OXNAD1: variants seen among roughly 807,000 people sequenced by gnomAD.
The protein encoded by OXNAD1 is oxidoreductase NAD binding domain containing 1, also known as oxidoreductase NAD-binding domain-containing protein 1.
A neutral mutation model predicts 32.9 loss-of-function variants in OXNAD1; 34 were observed. The ratio of observed to expected loss-of-function variants is 1.03; its 90% CI spans 0.79 to 1.38. The LOEUF is 1.38. Ranked by LOEUF, OXNAD1 falls within the 40% of genes most tolerant of loss-of-function variation. The pLI is 0.00. For synonymous variants in OXNAD1, 134 were observed against 135.2 expected, an observed-to-expected ratio of 0.99 and a Z score of 0.06; for missense variants, 407 against 379.4, an observed-to-expected ratio of 1.07 and a Z score of -0.60.
Position 16,273,995 on chromosome 3 carries a change from G to A in OXNAD1, c.183+2273G>A, listed in dbSNP as rs116098441. On this transcript the variant is annotated intron_variant, in intron 4 of 8. Transcript: ENST00000285083. Reference sequence around the variant, plus strand: ...TAATTTTAATAAAATATACATAAGTGGGAATGTACAGTATTCAGTATTCTG... The same window carrying A: ...TAATTTTAATAAAATATACATAAGTAGGAATGTACAGTATTCAGTATTCTG... 4.0e-3 allele frequency among the ~76,000 whole-genome samples: 602 copies of A among 151,820 alleles called. 6 individuals carry two copies. The highest frequency in any genetic ancestry group is 0.013 in the African/African-American group (549 of 41,420).
chr3:16,319,775 G>A (rs190497636), intron 9 of OXNAD1, among the ~76,000 whole-genome samples: 1 of 152,294 alleles, frequency 6.6e-6, no homozygotes, highest in East Asian at 1.9e-4. Flanking sequence ...AATTCAAAAA[G>A]GAGACGTCTC....
chr3:16,271,363 C>A lies in OXNAD1; in HGVS notation c.119+292C>A, dbSNP rs1286228625. Among the ~76,000 whole-genome samples the A allele has an allele frequency of 2.6e-5, 4 of 152,168 alleles. No individual in the cohort carries two copies. The highest frequency in any genetic ancestry group is 4.4e-5 in the Non-Finnish European group (3 of 68,020). ...GGATTACAGGCGTGCACCACCACAC[C>A]TAGCTAATTTTTGTATTTTTGGTAG... On this transcript the variant is annotated intron_variant, in intron 3 of 8. Transcript: ENST00000285083. The surrounding 1 kb of genome is among the most constrained non-coding windows in gnomAD (Gnocchi z 4.6).
downstream of OXNAD1, among the ~76,000 whole-genome samples, chr3:16,340,337 G>GAA (rs1262402466): frequency 6.6e-6 from 1 of 152,240 alleles, no homozygotes; most frequent in Non-Finnish European, 1.5e-5. Context: ...CTGCCATCCT[G>GAA]TGAAGAGGTT....
At position 16,335,254 on chromosome 3, in the gene OXNAD1, T is replaced by C. The variant is rs2070732794; in HGVS notation, c.*31-1858T>C. 6.6e-6 allele frequency among the ~76,000 whole-genome samples: 1 copy of C among 152,140 alleles called. No homozygotes were observed. The highest frequency in any genetic ancestry group is 2.4e-5 in the African/African-American group (1 of 41,424). On this transcript the variant is annotated intron_variant, in intron 9 of 9. Coordinates refer to the OXNAD1 transcript ENST00000435829. This position sits in a 1 kb window ranked among gnomAD's most constrained non-coding sequence, Gnocchi z 4.7. ...TGACAGATGCAGGGTAGGTGAAAAC[T>C]CCTGGAGGGATGAGGCTGGCTGAGG...
In OXNAD1 at chr3:16,329,416, G is replaced by A. The variant is rs2070071850; in HGVS notation, c.*31-7696G>A. 6.6e-6 allele frequency among the ~76,000 whole-genome samples: 1 copy of A among 152,206 alleles called. No homozygotes were observed. The highest frequency in any genetic ancestry group is 1.5e-5 in the Non-Finnish European group (1 of 68,036). On this transcript the variant is annotated intron_variant, in intron 9 of 9. Coordinates refer to the OXNAD1 transcript ENST00000435829. This position sits in a 1 kb window ranked among gnomAD's most constrained non-coding sequence, Gnocchi z 4.5. ...GAGGGAAGGGAGGAAAGGAGAGAGA[G>A]GTACAAGAATAATCCGTTTACAGGT...
chr3:16,338,245 C>CT (rs2071046871), downstream of OXNAD1, among the ~76,000 whole-genome samples: 2 of 152,220 alleles, frequency 1.3e-5, no homozygotes, highest in South Asian at 4.1e-4. This position sits in a 1 kb window ranked among gnomAD's most constrained non-coding sequence, Gnocchi z 5.3. Flanking sequence ...TGTCTGCCCA[C>CT]ACACACCTGC....
At chr3:16,291,550 A>C (rs1238432066) in intron 5 of OXNAD1, among the ~76,000 whole-genome samples, 2 of 152,202 alleles carry the variant, frequency 1.3e-5, no homozygotes, top group Admixed American at 6.5e-5. Context: ...CTTTCACTTA[A>C]CATGATTTCA....
rs1348299358 is a variant in OXNAD1 at position 16,277,575 on chromosome 3, A to G, written c.183+5853A>G. Among the ~76,000 whole-genome samples the G allele has an allele frequency of 1.3e-5, 2 of 152,168 alleles. No homozygotes were observed. Among genetic ancestry groups the G allele is most frequent in the African/African-American group, 4.8e-5 (2 of 41,436 alleles). On this transcript the variant is annotated intron_variant, in intron 4 of 8. Coordinates refer to ENST00000285083, the MANE Select transcript of OXNAD1 (RefSeq NM_138381.5). This position sits in a 1 kb window ranked among gnomAD's most constrained non-coding sequence, Gnocchi z 4.3. ...AGCCTAAGGATACGATGCCATCTGG[A>G]TTTTACAAAGAGGAAGCAGGGCCTA...
intron 6 of OXNAD1, among the ~76,000 whole-genome samples, chr3:16,295,463 C>G (rs2066722030): frequency 6.6e-6 from 1 of 152,132 alleles, no homozygotes; most frequent in Admixed American, 6.5e-5. Context: ...ATTTCAGTGT[C>G]TGGAAAGCTC....
rs540104859 is a variant in OXNAD1 at position 16,335,776 on chromosome 3, TAAAA to T, written c.*31-1320_*31-1317del. ...ATCCTGCACTTGCACCCTGGAACTT[TAAAA>T]AAAAAAAAAAAAAAAGGAGTTTGAT... On this transcript the variant is annotated intron_variant, in intron 9 of 9. Transcript: ENST00000435829. This position sits in a 1 kb window ranked among gnomAD's most constrained non-coding sequence, Gnocchi z 4.7. Among the ~76,000 whole-genome samples, 303 of 136,644 alleles carry T rather than the reference TAAAA, an allele frequency of 2.2e-3. 4 individuals are homozygous for T. The highest frequency in any genetic ancestry group is 5.9e-3 in the African/African-American group (222 of 37,772). The allele number at this position is 136,644 out of a possible 152,430, so 89.6% of individuals were successfully genotyped here.
Position 16,298,429 on chromosome 3 carries a change from G to A in OXNAD1, c.433-3197G>A, listed in dbSNP as rs957800956. Among the ~76,000 whole-genome samples the A allele has an allele frequency of 8.5e-5, 13 of 152,126 alleles. No individual in the cohort carries two copies. The highest frequency in any genetic ancestry group is 3.1e-4 in the African/African-American group (13 of 41,418). ...CATGCCTCATTGGCATTTCAGTGAA[G>A]AAACTTATTCTTACAGGCTGTAGAA... On this transcript the variant is annotated intron_variant, in intron 6 of 8. Coordinates refer to ENST00000285083, the MANE Select transcript of OXNAD1 (RefSeq NM_138381.5). This position sits in a 1 kb window ranked among gnomAD's most constrained non-coding sequence, Gnocchi z 5.1.
intron 9 of OXNAD1, among the ~76,000 whole-genome samples, chr3:16,313,904 A>C (rs2068148316): frequency 6.6e-6 from 1 of 152,176 alleles, no homozygotes; most frequent in African/African-American, 2.4e-5. Context: ...CTTTAAGCAG[A>C]TTAGATAAGA....
At chr3:16,347,090 C>T (rs563774824) in intron 9 of OXNAD1, among the ~76,000 whole-genome samples, 15 of 152,284 alleles carry the variant, frequency 9.9e-5, no homozygotes, top group Non-Finnish European at 1.8e-4. Context: ...TGGCCTTTCC[C>T]CCATTCTGGC....
At position 16,329,669 on chromosome 3, in the gene OXNAD1, C is replaced by A. The variant is rs1223795172; in HGVS notation, c.*31-7443C>A. Among the ~76,000 whole-genome samples, 13 of 152,148 alleles carry A rather than the reference C, an allele frequency of 8.5e-5. No individual in the cohort carries two copies. Among genetic ancestry groups the A allele is most frequent in the Non-Finnish European group, 2.9e-5 (2 of 68,030 alleles). On this transcript the variant is annotated intron_variant, in intron 9 of 9. Transcript: ENST00000435829. This position sits in a 1 kb window ranked among gnomAD's most constrained non-coding sequence, Gnocchi z 4.5. The stretch of plus-strand genomic sequence containing the variant: ...AATCCCTGCCCCCATCCCCGTATTC[C>A]CAGTTTAAAGAGAGGAGGAAAACCA...
At position 16,316,498 on chromosome 3, in the gene OXNAD1, T is replaced by G; in HGVS notation, c.*30+12906T>G. On this transcript the variant is annotated intron_variant, in intron 9 of 9. Coordinates refer to the OXNAD1 transcript ENST00000435829. This position sits in a 1 kb window ranked among gnomAD's most constrained non-coding sequence, Gnocchi z 4.5. ...TGACCCGAATGCTCCCTGGAGGCCC[T>G]GTGGCGAGGACAGGCACTGGATGGT... The G allele has an allele frequency of 2.8e-6, 1 of 351,004 alleles. No homozygotes were observed. Among genetic ancestry groups the G allele is most frequent in the Non-Finnish European group, 5.3e-6 (1 of 190,046 alleles). 21.7% of individuals were successfully genotyped at this position (351,004 alleles called of 1,614,324 possible). A position where few individuals can be genotyped will look rare whatever the true frequency, so the allele number is the denominator to read the frequency against.
intron 4 of OXNAD1, among the ~76,000 whole-genome samples, chr3:16,282,164 G>T (rs1008666326): frequency 2.0e-5 from 3 of 146,884 alleles, no homozygotes; most frequent in African/African-American, 7.6e-5. Flanking sequence ...GTAAATGTAA[G>T]AAAAGGGGAA....
chr3:16,329,175 G>A lies in OXNAD1; in HGVS notation c.*31-7937G>A, dbSNP rs538960274. Among the ~76,000 whole-genome samples the A allele has an allele frequency of 1.7e-4, 26 of 152,326 alleles. No homozygotes were observed. The highest frequency in any genetic ancestry group is 4.8e-4 in the African/African-American group (20 of 41,586). On this transcript the variant is annotated intron_variant, in intron 9 of 9. Transcript: ENST00000435829. The surrounding 1 kb of genome is among the most constrained non-coding windows in gnomAD (Gnocchi z 4.5). ...TCTCTCCCCTCTTTTCTGCGCTTCCGCCTCGGGATGACGCAGCAAGAAGGC... is the reference window on the plus strand; with the variant it reads ...TCTCTCCCCTCTTTTCTGCGCTTCCACCTCGGGATGACGCAGCAAGAAGGC...
chr3:16,265,812 A>G lies in OXNAD1; in HGVS notation c.-159+307A>G. 1.1e-6 allele frequency: 1 copy of G among 950,252 alleles called. No individual in the cohort carries two copies. Among genetic ancestry groups the G allele is most frequent in the South Asian group, 4.9e-5 (1 of 20,550 alleles). 58.9% of individuals were successfully genotyped at this position (950,252 alleles called of 1,614,324 possible). ...TTGACTAAAATCATACACCTGGGAA[A>G]TAATGAAGAGCTTGTCTGTCTCCAA... On this transcript the variant is annotated intron_variant, in intron 1 of 8. Coordinates refer to ENST00000285083, the MANE Select transcript of OXNAD1 (RefSeq NM_138381.5). This position sits in a 1 kb window ranked among gnomAD's most constrained non-coding sequence, Gnocchi z 4.8.
In OXNAD1 at chr3:16,271,014, T is replaced by C; in HGVS notation, c.62T>C (p.Ile21Thr). The change falls in exon 3 of 9, where the codon ATT becomes ACT. Residue 21 changes from isoleucine (I) to threonine (T), a missense_variant. Ile to Thr is a moderately conservative substitution (Grantham distance 89). Coordinates refer to ENST00000285083, the MANE Select transcript of OXNAD1 (RefSeq NM_138381.5). The surrounding 1 kb of genome is among the most constrained non-coding windows in gnomAD (Gnocchi z 4.6). ...LLRCSVGAIRIEAASLRLTLS... is the reference protein window; with the variant it reads ...LLRCSVGAIRTEAASLRLTLS... The stretch of plus-strand genomic sequence containing the variant: ...CGGTGCTCTGTTGGAGCCATCCGTA[T>C]TGAGGCTGCGTCACTGAGATTGACA... 1 of 1,614,222 alleles carries C rather than the reference T, an allele frequency of 6.2e-7. No individual in the cohort carries two copies. Among genetic ancestry groups the C allele is most frequent in the East Asian group, 2.2e-5 (1 of 44,890 alleles).
Sources: gnomAD v4.1 joint callset for allele counts (sites outside exome capture counted in the v4.1 genomes callset) on GRCh38, gnomAD v4.1.1 for gene constraint, Gnocchi (gnomAD v3.1) non-coding constraint, MANE v1.5 for transcripts, NCBI Gene and HGNC (gene_info 2026-07-23, HGNC 2026-07-21) for gene names.